CACNB2: variants seen among roughly 807,000 people sequenced by gnomAD.
CACNB2 encodes calcium voltage-gated channel auxiliary subunit beta 2.
In CACNB2, 42 loss-of-function variants were observed where a neutral mutation model predicts 73.3. The ratio of observed to expected loss-of-function variants is 0.57; its 90% CI spans 0.45 to 0.74. The LOEUF is 0.74. Ranked by LOEUF, CACNB2 falls within the 30% of genes least tolerant of loss-of-function variation. The pLI, the probability that CACNB2 is intolerant of heterozygous loss-of-function variation, is 0.00. For missense variants in CACNB2, 940 were observed against 853.0 expected, an observed-to-expected ratio of 1.10 and a Z score of -1.27; for synonymous variants, 348 against 310.3, an observed-to-expected ratio of 1.12 and a Z score of -1.28.
intron 2 of CACNB2, chr10:18,151,290 G>C (rs1407380795): frequency 1.2e-5 from 3 of 260,856 alleles, no homozygotes; most frequent in Non-Finnish European, 2.1e-5. Flanking sequence ...TTTTTTTTCA[G>C]TGGGACAGAG....
chr10:18,392,206 AG>A (rs991248423), intron 2 of CACNB2, among the ~76,000 whole-genome samples: 26 of 152,048 alleles, frequency 1.7e-4, no homozygotes, highest in African/African-American at 6.3e-4. Flanking sequence ...TGGCAGGGAG[AG>A]GGTGTAGAGA....
At chr10:18,256,528 C>T (rs2037293039) in intron 2 of CACNB2, 1 of 152,244 alleles carries the variant, frequency 6.6e-6, no homozygotes, top group Non-Finnish European at 1.5e-5. Context: ...GCCTGAGTTC[C>T]TGATTCTCGT....
At chr10:18,468,250 G>A (rs887372741) in intron 3 of CACNB2, among the ~76,000 whole-genome samples, 4 of 152,094 alleles carry the variant, frequency 2.6e-5, no homozygotes, top group Admixed American at 2.6e-4. Context: ...TCTTGAGCTC[G>A]AGTTTGAGAA....
chr10:18,238,969 C>T (rs2036549641), intron 2 of CACNB2, among the ~76,000 whole-genome samples: 1 of 152,082 alleles, frequency 6.6e-6, no homozygotes, highest in Non-Finnish European at 1.5e-5. Context: ...GCGATGTGAA[C>T]CCTGAAGGAG....
chr10:18,492,122 G>A (rs538050467), intron 3 of CACNB2, among the ~76,000 whole-genome samples: 251 of 152,150 alleles, frequency 1.6e-3, no homozygotes, highest in African/African-American at 5.6e-3. Context: ...AGAGAGAGGT[G>A]GGAGGTGCCA....
At chr10:18,300,904 G>A (rs1056406343) in intron 2 of CACNB2, among the ~76,000 whole-genome samples, 1 of 151,954 alleles carries the variant, frequency 6.6e-6, no homozygotes, top group Non-Finnish European at 1.5e-5. Flanking sequence ...TTGACTTCTG[G>A]GAAAAAAAGT....
At chr10:18,236,893 C>T (rs1288599856) in intron 2 of CACNB2, among the ~76,000 whole-genome samples, 1 of 152,132 alleles carries the variant, frequency 6.6e-6, no homozygotes, top group Non-Finnish European at 1.5e-5. Flanking sequence ...GACATCCTGG[C>T]TTATCTATAG....
At chr10:18,412,716 G>A (rs1044719962) in intron 3 of CACNB2, among the ~76,000 whole-genome samples, 3 of 152,072 alleles carry the variant, frequency 2.0e-5, no homozygotes, top group Non-Finnish European at 2.9e-5. Flanking sequence ...CTTCTGTTTC[G>A]ACTTTTAGTT....
intron 2 of CACNB2, among the ~76,000 whole-genome samples, chr10:18,177,430 G>A (rs1458935229): frequency 1.3e-5 from 2 of 148,452 alleles, no homozygotes; most frequent in East Asian, 4.0e-4. Flanking sequence ...GACCAGCCTG[G>A]CCAACGTGGT....
Position 18,220,245 on chromosome 10 carries a change from A to AGGG in CACNB2, c.213+69271_213+69272insGGG, listed in dbSNP as rs1463327947. Among the ~76,000 whole-genome samples, 4 of 98,222 alleles carry AGGG rather than the reference A, an allele frequency of 4.1e-5. 1 individual carries two copies. Among genetic ancestry groups the AGGG allele is most frequent in the African/African-American group, 2.1e-4 (4 of 18,742 alleles). The allele number at this position is 98,222 out of a possible 152,430, so 64.4% of individuals were successfully genotyped here. ...TATATATATATATAGAGAGAGAGAG[A>AGGG]GAGAGAGAGAGAGAGAGAGAGAGAG... On this transcript the variant is annotated intron_variant, in intron 2 of 13. Transcript: ENST00000324631.
At chr10:18,350,688 A>G (rs1378841045) in intron 2 of CACNB2, among the ~76,000 whole-genome samples, 1 of 152,228 alleles carries the variant, frequency 6.6e-6, no homozygotes, top group Non-Finnish European at 1.5e-5. Flanking sequence ...ATGCAGCAGA[A>G]CAAAAGGCCA....
At chr10:18,437,403 A>T (rs910511961) in intron 3 of CACNB2, among the ~76,000 whole-genome samples, 7 of 152,222 alleles carry the variant, frequency 4.6e-5, no homozygotes, top group African/African-American at 1.7e-4. Flanking sequence ...TCCTAAAAAA[A>T]CCAAATAGCG....
In CACNB2 at chr10:18,247,220, G is replaced by C. The variant is rs112543319; in HGVS notation, c.213+96245G>C. Among the ~76,000 whole-genome samples, 148 of 152,276 alleles carry C rather than the reference G, an allele frequency of 9.7e-4. 1 individual carries two copies. Among genetic ancestry groups the C allele is most frequent in the Middle Eastern group, 3.4e-3 (1 of 294 alleles). The stretch of plus-strand genomic sequence containing the variant: ...GCCTCTGCACAGAATCCTGCTGTGA[G>C]GGGCTTCCTCCCATGCAGAGTTGTC... On this transcript the variant is annotated intron_variant, in intron 2 of 13. Transcript: ENST00000324631.
intron 2 of CACNB2, among the ~76,000 whole-genome samples, chr10:18,189,079 C>A (rs996861): frequency 0.17 from 25,666 of 152,030 alleles, 2,251 homozygotes; most frequent in African/African-American, 0.22. Context: ...CTCTTGCCTC[C>A]GCCTCCCAAG....
At chr10:18,533,932 C>G in intron 10 of CACNB2, 144 bp from the exon 11 acceptor site, 2 of 714,954 alleles carry the variant, frequency 2.8e-6, no homozygotes, top group South Asian at 3.6e-5. Flanking sequence ...GGATAAATTA[C>G]TGTTGTAAAT....
At position 18,257,551 on chromosome 10, in the gene CACNB2, A is replaced by G. The variant is rs56886916; in HGVS notation, c.213+106576A>G. 7.1e-3 allele frequency among the ~76,000 whole-genome samples: 1,075 copies of G among 152,322 alleles called. 25 individuals carry two copies. In the South Asian group the frequency reaches 0.074, roughly 10 times the overall value. ...TTTGTTCTGTGTATGTTCTGTATGT[A>G]ACCTTCTGTGCTTTTGCATCTTCTG... On this transcript the variant is annotated intron_variant, in intron 2 of 13. Coordinates refer to ENST00000324631, the MANE Select transcript of CACNB2 (RefSeq NM_201596.3).
At chr10:18,532,676 C>CAAAA (rs1219587375) in intron 10 of CACNB2, among the ~76,000 whole-genome samples, 84 of 92,476 alleles carry the variant, frequency 9.1e-4, no homozygotes, top group Non-Finnish European at 1.2e-3. Context: ...GACTCTGTCT[C>CAAAA]AAAAAAAAAA....
rs186723000 is a variant in CACNB2 at position 18,417,111 on chromosome 10, A to C, written c.333+15068A>C. On this transcript the variant is annotated intron_variant, in intron 3 of 13. Transcript: ENST00000324631. ...TGCTCTAGAGAGATTAAGGAAATAA[A>C]AGCTTTTTTTTTTCTCTTTAACTAT... Among the ~76,000 whole-genome samples the C allele has an allele frequency of 9.4e-3, 1,268 of 134,748 alleles. 18 individuals are homozygous for C. The highest frequency in any genetic ancestry group is 0.031 in the African/African-American group (1,215 of 39,268). 88.4% of individuals were successfully genotyped at this position (134,748 alleles called of 152,430 possible). A position where few individuals can be genotyped will look rare whatever the true frequency, so the allele number is the denominator to read the frequency against.
At chr10:18,480,819 C>G (rs2048685403) in intron 3 of CACNB2, among the ~76,000 whole-genome samples, 1 of 152,184 alleles carries the variant, frequency 6.6e-6, no homozygotes, top group Admixed American at 6.5e-5. Flanking sequence ...AAATATTTAT[C>G]ACATCTTTTC....
Sources: gnomAD v4.1 joint callset for allele counts (sites outside exome capture counted in the v4.1 genomes callset) on GRCh38, gnomAD v4.1.1 for gene constraint, MANE v1.5 for transcripts, NCBI Gene and HGNC (gene_info 2026-07-23, HGNC 2026-07-21) for gene names.